Variants in ADGRL3 observed in about 807,000 individuals in gnomAD.
ADGRL3 encodes calcium-independent alpha-latrotoxin receptor 3.
ADGRL3 carries 62 observed loss-of-function variants against 153.5 expected under a neutral mutation model. That is an observed-to-expected ratio of 0.40 (90% CI 0.33 to 0.50). The LOEUF (loss-of-function observed/expected upper bound fraction) is 0.50, where lower values mean the gene tolerates loss of function less well. Ranked by LOEUF, ADGRL3 falls within the 20% of genes least tolerant of loss-of-function variation. ADGRL3 has a pLI of 0.47. For synonymous variants in ADGRL3, 710 were observed against 672.5 expected, an observed-to-expected ratio of 1.06 and a Z score of -0.86; for missense variants, 1,641 against 1,859.4, an observed-to-expected ratio of 0.88 and a Z score of 2.16.
chr4:61,478,957 A>G (rs749825204), intron 2 of ADGRL3, among the ~76,000 whole-genome samples: 1 of 152,046 alleles, frequency 6.6e-6, no homozygotes, highest in Non-Finnish European at 1.5e-5. Context: ...TCTTTCTGTA[A>G]TGTGGGTCAT....
At chr4:61,432,649 T>TTGAGA (rs2097383645) in intron 2 of ADGRL3, among the ~76,000 whole-genome samples, 1 of 40,614 alleles carries the variant, frequency 2.5e-5, no homozygotes, top group Non-Finnish European at 5.9e-5. Context: ...TTTCTTTCTT[T>TTGAGA]CTTTCTTTTT....
At chr4:61,233,299 CTTTTCTT>C (rs1271147006) in intron 1 of ADGRL3, among the ~76,000 whole-genome samples, 3 of 152,090 alleles carry the variant, frequency 2.0e-5, no homozygotes, top group African/African-American at 7.2e-5. Context: ...TACAGTTACT[CTTTTCTT>C]TTTTTAAATC....
At chr4:61,997,708 C>T (rs1021234216) in intron 20 of ADGRL3, among the ~76,000 whole-genome samples, 2 of 151,996 alleles carry the variant, frequency 1.3e-5, no homozygotes, top group African/African-American at 4.8e-5. Context: ...AGAATTTAAA[C>T]AACATTTTAT....
In ADGRL3 at chr4:61,434,936, G is replaced by A. The variant is rs114942548; in HGVS notation, c.-174+51747G>A. Among the ~76,000 whole-genome samples the A allele has an allele frequency of 4.7e-3, 722 of 152,112 alleles. 5 individuals carry two copies. The highest frequency in any genetic ancestry group is 0.017 in the African/African-American group (701 of 41,546). On this transcript the variant is annotated intron_variant, in intron 2 of 26. Transcript: ENST00000683033. ...AATTTACATTTTATAAAACAAAACTGATTTGTATGGCAGGATGGCCACTGA... is the reference window on the plus strand; with the variant it reads ...AATTTACATTTTATAAAACAAAACTAATTTGTATGGCAGGATGGCCACTGA...
intron 6 of ADGRL3, among the ~76,000 whole-genome samples, chr4:61,696,901 T>C (rs1049338187): frequency 6.6e-6 from 1 of 152,050 alleles, no homozygotes; most frequent in African/African-American, 2.4e-5. Context: ...GGTCTCGAAC[T>C]CCTGACCTCA....
chr4:61,919,187 T>C (rs1160278562), intron 13 of ADGRL3, among the ~76,000 whole-genome samples: 3 of 152,168 alleles, frequency 2.0e-5, no homozygotes, highest in Non-Finnish European at 4.4e-5. Flanking sequence ...TGTAGTATAT[T>C]AACTGCAGCA....
intron 2 of ADGRL3, among the ~76,000 whole-genome samples, chr4:61,449,274 T>A (rs181103390): frequency 6.6e-6 from 1 of 151,912 alleles, no homozygotes; most frequent in Non-Finnish European, 1.5e-5. Flanking sequence ...GTAGCTGGGA[T>A]TAGAGAAATG....
chr4:61,743,137 G>A (rs1432923008), intron 8 of ADGRL3, among the ~76,000 whole-genome samples: 2 of 151,524 alleles, frequency 1.3e-5, no homozygotes, highest in African/African-American at 4.8e-5. Context: ...TGGCTAACAT[G>A]GCGAAACCCC....
At position 61,871,084 on chromosome 4, in the gene ADGRL3, C is replaced by T. The variant is rs1406292389; in HGVS notation, c.1481-21572C>T. On this transcript the variant is annotated intron_variant, in intron 9 of 26. Transcript: ENST00000683033. ...ACGAGGTCAGGAGATCGAGACCATC[C>T]TGGCTAACACGGTGAAACCCCGTCT... is the stretch of plus-strand genomic sequence containing the variant. Among the ~76,000 whole-genome samples the T allele has an allele frequency of 4.6e-5, 7 of 151,946 alleles. No homozygotes were observed. In the East Asian group the frequency reaches 9.7e-4, roughly 21 times the overall value.
intron 2 of ADGRL3, among the ~76,000 whole-genome samples, chr4:61,470,817 G>GT (rs1348299140): frequency 1.3e-5 from 2 of 151,718 alleles, no homozygotes; most frequent in African/African-American, 4.8e-5. Flanking sequence ...TAAAACAGTG[G>GT]TTTTGAAAGA....
intron 9 of ADGRL3, among the ~76,000 whole-genome samples, chr4:61,832,731 G>C (rs1261772735): frequency 1.3e-5 from 2 of 151,912 alleles, no homozygotes; most frequent in Non-Finnish European, 2.9e-5. Flanking sequence ...AACCTTGTTG[G>C]AAAACCTGAA....
chr4:61,759,338 T>A (rs1353128455), intron 8 of ADGRL3, among the ~76,000 whole-genome samples: 2 of 152,218 alleles, frequency 1.3e-5, no homozygotes, highest in Non-Finnish European at 2.9e-5. Flanking sequence ...TGTTTTCACA[T>A]AGTCCCATAT....
chr4:61,296,116 G>C (rs1469771381), intron 1 of ADGRL3, among the ~76,000 whole-genome samples: 3 of 152,120 alleles, frequency 2.0e-5, no homozygotes, highest in Admixed American at 6.5e-5. Context: ...CAATTTATAT[G>C]TGTAGTACAA....
At position 61,744,564 on chromosome 4, in the gene ADGRL3, C is replaced by T. The variant is rs532761809; in HGVS notation, c.1399+11010C>T. ...GCAGCGTTTGTGCTTCACAAAAATC[C>T]GCTGTTCTGCAGCCACCGCTGCTGG... On this transcript the variant is annotated intron_variant, in intron 8 of 26. Coordinates refer to ENST00000683033, the MANE Select transcript of ADGRL3 (RefSeq NM_001387552.1). Among the ~76,000 whole-genome samples the T allele has an allele frequency of 6.3e-4, 96 of 152,248 alleles. 1 individual carries two copies. The highest frequency in any genetic ancestry group is 2.0e-3 in the African/African-American group (85 of 41,522).
chr4:61,589,624 C>A (rs2098961272), intron 5 of ADGRL3, among the ~76,000 whole-genome samples: 1 of 151,992 alleles, frequency 6.6e-6, no homozygotes, highest in Admixed American at 6.6e-5. Context: ...CTAAACGTTT[C>A]TAAGCATGTC....
intron 8 of ADGRL3, among the ~76,000 whole-genome samples, chr4:61,746,598 T>G (rs1310773935): frequency 6.6e-6 from 1 of 152,200 alleles, no homozygotes; most frequent in African/African-American, 2.4e-5. Flanking sequence ...AACCTGCTCC[T>G]GAATGACTAC....
intron 1 of ADGRL3, among the ~76,000 whole-genome samples, chr4:61,220,073 T>C (rs990514882): frequency 2.0e-5 from 3 of 147,620 alleles, no homozygotes; most frequent in African/African-American, 7.6e-5. Context: ...GCGTGCGCCA[T>C]TGCACTCCAG....
chr4:61,818,452 C>A (rs998523156), intron 9 of ADGRL3, among the ~76,000 whole-genome samples: 4 of 152,126 alleles, frequency 2.6e-5, no homozygotes, highest in Non-Finnish European at 5.9e-5. Context: ...TGGTGCAAGC[C>A]ATCAGTGGAC....
At chr4:61,568,929 G>C (rs1290819108) in intron 4 of ADGRL3, among the ~76,000 whole-genome samples, 3 of 152,044 alleles carry the variant, frequency 2.0e-5, no homozygotes, top group Non-Finnish European at 4.4e-5. Flanking sequence ...TCTATGGATC[G>C]TGACTAATGG....
Sources: allele counts gnomAD v4.1 joint callset (sites outside exome capture counted in the v4.1 genomes callset), GRCh38; gene constraint gnomAD v4.1.1; transcripts MANE v1.5; gene names NCBI Gene and HGNC (gene_info 2026-07-23, HGNC 2026-07-21).